The following TLCD4 variants were observed in gnomAD, a reference collection of about 807,000 sequenced individuals.
TLCD4 encodes the protein TLC domain-containing protein 4.
TLCD4 carries 7 observed loss-of-function variants against 24.2 expected under a neutral mutation model. That is an observed-to-expected ratio of 0.29 (90% CI 0.16 to 0.54). The LOEUF (loss-of-function observed/expected upper bound fraction) is 0.54. TLCD4 is among the 20% of genes least tolerant of loss of function. TLCD4 has a pLI of 0.95. For synonymous variants in TLCD4, 103 were observed against 106.4 expected, an observed-to-expected ratio of 0.97 and a Z score of 0.20; for missense variants, 259 against 313.9, an observed-to-expected ratio of 0.82 and a Z score of 1.32.
chr1:95,101,386 G>A, the TLCD4 span, among the ~76,000 whole-genome samples: 4 of 151,086 alleles, frequency 2.6e-5, no homozygotes, highest in South Asian at 2.1e-4. Context: ...CTACAGGTGC[G>A]TGCCATTGTG....
intron 6 of TLCD4, among the ~76,000 whole-genome samples, chr1:95,175,976 A>G (rs138295378): frequency 0.027 from 4,115 of 151,782 alleles, 76 homozygotes; most frequent in East Asian, 0.076. Context: ...GAGTTTCACC[A>G]TGTTGCCCAG....
the TLCD4 span, among the ~76,000 whole-genome samples, chr1:95,111,018 G>A: frequency 1.3e-5 from 2 of 152,060 alleles, no homozygotes; most frequent in African/African-American, 4.8e-5. Flanking sequence ...TTGGCCAGGT[G>A]TGGTGGCTCA....
At chr1:95,170,329 TC>T (rs1412517695) in intron 5 of TLCD4, among the ~76,000 whole-genome samples, 5 of 114,240 alleles carry the variant, frequency 4.4e-5, no homozygotes, top group Middle Eastern at 5.6e-3. Context: ...TACAAATCAT[TC>T]TTTTTTTTTT....
chr1:95,180,332 AC>A (rs1331832606), intron 6 of TLCD4, among the ~76,000 whole-genome samples: 2 of 152,206 alleles, frequency 1.3e-5, no homozygotes, highest in Non-Finnish European at 2.9e-5. Flanking sequence ...CTTATACTGT[AC>A]CTTTATCTAA....
rs778734752 is a variant in TLCD4 at position 95,143,939 on chromosome 1, G to C, written c.38G>C (p.Cys13Ser). ...INTKLLISVT[C>S]ISFFTFQLLF... ...ACAAAACTGCTCATCAGTGTTACCT[G>C]TATCAGCTTTTTCACCTTTCAGCTT... is the stretch of plus-strand genomic sequence containing the variant. The change falls in exon 2 of 7, where the codon TGT becomes TCT. Residue 13 changes from cysteine (C) to serine (S), a missense_variant. Transcript: ENST00000370203. 2.6e-6 allele frequency: 4 copies of C among 1,557,610 alleles called. No individual in the cohort carries two copies. The East Asian group carries it at 7.2e-5, about 28-fold the overall frequency.
chr1:95,109,403 C>CT, the TLCD4 span, among the ~76,000 whole-genome samples: 1 of 61,414 alleles, frequency 1.6e-5, no homozygotes, highest in South Asian at 6.0e-4. Flanking sequence ...GACTTTTTCT[C>CT]TCCAAAACCT....
intron 6 of TLCD4, among the ~76,000 whole-genome samples, chr1:95,174,507 C>CAAAAAA (rs141819142): frequency 6.9e-4 from 59 of 85,758 alleles, no homozygotes; most frequent in Non-Finnish European, 9.8e-4. Context: ...CCCATCCCTA[C>CAAAAAA]AAAAAAAAAA....
intron 1 of TLCD4, among the ~76,000 whole-genome samples, chr1:95,126,646 T>C (rs150181315): frequency 3.5e-3 from 530 of 152,286 alleles, no homozygotes; most frequent in African/African-American, 0.012. Context: ...GGCTGAAGGA[T>C]CCAAGATGGC....
At chr1:95,098,288 C>G in the TLCD4 span, among the ~76,000 whole-genome samples, 1 of 152,164 alleles carries the variant, frequency 6.6e-6, no homozygotes, top group South Asian at 2.1e-4. Flanking sequence ...TTGCCCTGCC[C>G]CATTTCTAAA....
chr1:95,162,122 T>C (rs369886144), intron 5 of TLCD4, among the ~76,000 whole-genome samples: 3 of 152,148 alleles, frequency 2.0e-5, no homozygotes, highest in Non-Finnish European at 4.4e-5. Flanking sequence ...CCCATTATTA[T>C]TGTGTGGGAG....
chr1:95,147,937 A>C (rs1220856484), intron 2 of TLCD4, among the ~76,000 whole-genome samples: 1 of 152,154 alleles, frequency 6.6e-6, no homozygotes, highest in Non-Finnish European at 1.5e-5. Context: ...TATTCATAGA[A>C]ACTTATGGTT....
intron 4 of TLCD4, among the ~76,000 whole-genome samples, chr1:95,150,927 G>A (rs548228639): frequency 2.0e-5 from 3 of 151,916 alleles, no homozygotes; most frequent in East Asian, 3.9e-4. Flanking sequence ...TTTAACTCTG[G>A]AAACAAGTTA....
Position 95,191,958 on chromosome 1 carries a change from A to G in TLCD4, c.*90A>G. The G allele has an allele frequency of 6.7e-7, 1 of 1,485,178 alleles. No individual in the cohort carries two copies. Among genetic ancestry groups the G allele is most frequent in the Non-Finnish European group, 8.9e-7 (1 of 1,125,168 alleles). The allele number at this position is 1,485,178 out of a possible 1,614,324, so 92.0% of individuals were successfully genotyped here. Reference sequence around the variant, plus strand: ...GGCATGTTCTTGTGTACCTTTCTTAATTATAATTGTTATTCAGGATTTCAG... The same window carrying G: ...GGCATGTTCTTGTGTACCTTTCTTAGTTATAATTGTTATTCAGGATTTCAG... On this transcript the variant is annotated 3_prime_UTR_variant, in exon 7 of 7. Transcript: ENST00000370203.
intron 1 of TLCD4, among the ~76,000 whole-genome samples, chr1:95,119,415 C>A (rs1247978818): frequency 1.3e-5 from 2 of 152,130 alleles, no homozygotes; most frequent in East Asian, 1.9e-4. Flanking sequence ...GCCTTCCCTG[C>A]AAAAGACTGG....
intron 3 of TLCD4, among the ~76,000 whole-genome samples, chr1:95,149,305 T>TGG (rs1677430173): frequency 6.6e-6 from 1 of 152,198 alleles, no homozygotes; most frequent in Non-Finnish European, 1.5e-5. Flanking sequence ...ACATGTAAGA[T>TGG]GGTCCTTTTA....
At chr1:95,098,421 C>T in the TLCD4 span, among the ~76,000 whole-genome samples, 3 of 152,148 alleles carry the variant, frequency 2.0e-5, no homozygotes, top group Admixed American at 2.0e-4. Flanking sequence ...ACTTTAGTGG[C>T]CTTAGCTTCT....
chr1:95,143,664 C>T (rs889673671), intron 1 of TLCD4, among the ~76,000 whole-genome samples: 1 of 151,948 alleles, frequency 6.6e-6, no homozygotes, highest in African/African-American at 2.4e-5. Context: ...ATAAATGACA[C>T]CTCTAATATT....
intron 5 of TLCD4, among the ~76,000 whole-genome samples, chr1:95,158,177 C>CTTAATTTT (rs1438494315): frequency 7.1e-6 from 1 of 141,026 alleles, no homozygotes; most frequent in Non-Finnish European, 1.5e-5. Flanking sequence ...CCCCTTGATA[C>CTTAATTTT]TTAATTTTTT....
chr1:95,170,982 C>T (rs573789203), intron 5 of TLCD4, among the ~76,000 whole-genome samples: 1 of 151,978 alleles, frequency 6.6e-6, no homozygotes, highest in Non-Finnish European at 1.5e-5. Context: ...CAATTTGTTC[C>T]TTATTATCTT....
Sources: allele counts gnomAD v4.1 joint callset (sites outside exome capture counted in the v4.1 genomes callset), GRCh38; gene constraint gnomAD v4.1.1; transcripts MANE v1.5; gene names NCBI Gene and HGNC (gene_info 2026-07-23, HGNC 2026-07-21).